SAMD3: variants seen among roughly 807,000 people sequenced by gnomAD.
The protein encoded by SAMD3 is sterile alpha motif domain-containing protein 3.
SAMD3 carries 63 observed loss-of-function variants against 58.5 expected under a neutral mutation model. That is an observed-to-expected ratio of 1.08 (90% CI 0.88 to 1.33). The LOEUF is 1.33. Among genes scored for constraint, SAMD3 ranks in the 40% most tolerant of loss-of-function variants. The pLI is 0.00. For missense variants in SAMD3, 604 were observed against 608.4 expected (o/e 0.99, Z 0.08); for synonymous variants, 220 against 210.3 (o/e 1.05, Z -0.40).
chr6:130,224,918 C>T (rs141894036), upstream of SAMD3, among the ~76,000 whole-genome samples: 149 of 152,108 alleles, frequency 9.8e-4, no homozygotes, highest in African/African-American at 3.3e-3. Context: ...ACGCCCAGCC[C>T]GAAGCACTCT....
intron 2 of SAMD3, among the ~76,000 whole-genome samples, chr6:130,271,589 G>A (rs1774565041): frequency 6.6e-6 from 1 of 152,064 alleles, no homozygotes; most frequent in Non-Finnish European, 1.5e-5. Flanking sequence ...TTGCAAATAT[G>A]GTTTCACAGT....
chr6:130,352,929 G>T (rs1424501176), intron 1 of SAMD3, among the ~76,000 whole-genome samples: 1 of 152,130 alleles, frequency 6.6e-6, no homozygotes, highest in Non-Finnish European at 1.5e-5. Context: ...CCAAAATATT[G>T]GAAGGAGTTG....
intron 1 of SAMD3, among the ~76,000 whole-genome samples, chr6:130,336,020 G>C (rs553015920): frequency 6.6e-6 from 1 of 152,100 alleles, no homozygotes; most frequent in Non-Finnish European, 1.5e-5. Flanking sequence ...GTTGTGGGGT[G>C]GGGGAAGTGG....
chr6:130,254,183 T>G (rs1454850333), intron 2 of SAMD3, among the ~76,000 whole-genome samples: 1 of 151,466 alleles, frequency 6.6e-6, no homozygotes, highest in Non-Finnish European at 1.5e-5. Flanking sequence ...TATTTATTTA[T>G]TTATTTATTT....
chr6:130,238,228 T>C (rs1443129336), intron 2 of SAMD3, among the ~76,000 whole-genome samples: 1 of 152,194 alleles, frequency 6.6e-6, no homozygotes, highest in Non-Finnish European at 1.5e-5. Flanking sequence ...CCCAATAGTC[T>C]TATGACTGGG....
chr6:130,153,647 CAT>C lies in SAMD3; in HGVS notation c.1023+1176_1023+1177del, dbSNP rs1196709383. On this transcript the variant is annotated intron_variant, in intron 9 of 11. Coordinates refer to ENST00000439090, the MANE Select transcript of SAMD3 (RefSeq NM_001017373.4). ...TTTGATTGATTTACCCATTAAATTTCATATATATATATATATATTTATTTATT... is the reference window on the plus strand; with the variant it reads ...TTTGATTGATTTACCCATTAAATTTCATATATATATATATATTTATTTATT... 6.1e-4 allele frequency among the ~76,000 whole-genome samples: 59 copies of C among 96,714 alleles called. 3 individuals are homozygous for C. The Middle Eastern group carries it at 0.032, about 53-fold the overall frequency. 63.4% of individuals were successfully genotyped at this position (96,714 alleles called of 152,430 possible). A position where few individuals can be genotyped will look rare whatever the true frequency, so the allele number is the denominator to read the frequency against.
chr6:130,292,961 A>G (rs1369061023), intron 2 of SAMD3, among the ~76,000 whole-genome samples: 2 of 152,300 alleles, frequency 1.3e-5, no homozygotes, highest in East Asian at 3.9e-4. Flanking sequence ...ATTGTTGTGT[A>G]TGTGATTCAC....
intron 5 of SAMD3, among the ~76,000 whole-genome samples, chr6:130,194,191 G>A (rs1187598349): frequency 2.6e-5 from 4 of 152,146 alleles, no homozygotes; most frequent in South Asian, 4.1e-4. Context: ...TAAAGGTATA[G>A]TCAAGGTTAA....
chr6:130,304,466 C>T (rs980261636), intron 2 of SAMD3, among the ~76,000 whole-genome samples: 27 of 152,266 alleles, frequency 1.8e-4, no homozygotes, highest in African/African-American at 5.5e-4. Context: ...GTTCATAAAT[C>T]AAGTTTCCAT....
chr6:130,198,326 T>G (rs1794333232), intron 5 of SAMD3, among the ~76,000 whole-genome samples: 1 of 152,110 alleles, frequency 6.6e-6, no homozygotes, highest in Non-Finnish European at 1.5e-5. Flanking sequence ...CCCCTTAGCC[T>G]CCTGAGCAGC....
Position 130,291,408 on chromosome 6 carries a change from A to T in SAMD3, c.-188+21570T>A, listed in dbSNP as rs137882044. Among the ~76,000 whole-genome samples the T allele has an allele frequency of 1.1e-4, 17 of 152,262 alleles. No individual in the cohort carries two copies. In the East Asian group the frequency reaches 3.3e-3, roughly 29 times the overall value. On this transcript the variant is annotated intron_variant, in intron 2 of 13. Transcript: ENST00000368134. Reference sequence around the variant, plus strand: ...GTGTGAGCCACCATGCCCAGCCGATAATTGACCTTTTGAAGATGGTAGCTG... The same window carrying T: ...GTGTGAGCCACCATGCCCAGCCGATTATTGACCTTTTGAAGATGGTAGCTG...
At chr6:130,276,320 T>C (rs1774773931) in intron 2 of SAMD3, among the ~76,000 whole-genome samples, 1 of 152,154 alleles carries the variant, frequency 6.6e-6, no homozygotes. Flanking sequence ...ATTGGTTAAA[T>C]AATCATTTTA....
chr6:130,316,744 C>A (rs546803789), intron 1 of SAMD3, among the ~76,000 whole-genome samples: 1 of 151,910 alleles, frequency 6.6e-6, no homozygotes, highest in Non-Finnish European at 1.5e-5. Flanking sequence ...TACACTATAC[C>A]CAGGAGGGTC....
chr6:130,180,454 T>A (rs1792201499), intron 7 of SAMD3, among the ~76,000 whole-genome samples: 1 of 151,906 alleles, frequency 6.6e-6, no homozygotes, highest in African/African-American at 2.4e-5. Context: ...TATGTTATGG[T>A]GTTTAGGGAT....
At chr6:130,196,509 T>A (rs1170084588) in intron 5 of SAMD3, among the ~76,000 whole-genome samples, 3 of 152,206 alleles carry the variant, frequency 2.0e-5, no homozygotes, top group Non-Finnish European at 4.4e-5. Flanking sequence ...CTTAGTTTAT[T>A]GATGGCAGCT....
chr6:130,302,707 GA>G (rs1444878771), intron 2 of SAMD3, among the ~76,000 whole-genome samples: 2 of 152,136 alleles, frequency 1.3e-5, no homozygotes, highest in Admixed American at 1.3e-4. Flanking sequence ...GTTCGACAAG[GA>G]AAATGTGGTA....
chr6:130,296,430 A>G (rs1050750324), intron 2 of SAMD3, among the ~76,000 whole-genome samples: 2 of 152,172 alleles, frequency 1.3e-5, no homozygotes, highest in African/African-American at 4.8e-5. Flanking sequence ...CTCATGACAA[A>G]GGAAATAAGG....
intron 2 of SAMD3, among the ~76,000 whole-genome samples, chr6:130,308,920 C>T (rs745528383): frequency 2.2e-4 from 33 of 152,118 alleles, no homozygotes; most frequent in Middle Eastern, 3.4e-3. Context: ...CTCTTTAAGA[C>T]TCATGAAACA....
chr6:130,195,134 T>C (rs938940339), intron 5 of SAMD3, among the ~76,000 whole-genome samples: 4 of 152,166 alleles, frequency 2.6e-5, no homozygotes, highest in African/African-American at 9.7e-5. Flanking sequence ...TCTGCTTCCC[T>C]GACTATTCCT....
Sources: gnomAD v4.1 joint callset for allele counts (sites outside exome capture counted in the v4.1 genomes callset) on GRCh38, gnomAD v4.1.1 for gene constraint, MANE v1.5 for transcripts, NCBI Gene and HGNC (gene_info 2026-07-23, HGNC 2026-07-21) for gene names.